POFUT3: variants seen among roughly 807,000 people sequenced by gnomAD.
POFUT3 encodes the protein GDP-fucose protein O-fucosyltransferase 3.
chr8:33,436,487 T>C, the POFUT3 span: 7 of 1,358,240 alleles, frequency 5.2e-6, no homozygotes, highest in African/African-American at 8.6e-5. Context: ...TTGCTCTCAT[T>C]CGTGCTGGCT....
the POFUT3 span, among the ~76,000 whole-genome samples, chr8:33,467,884 C>T: frequency 1.3e-5 from 2 of 152,098 alleles, no homozygotes; most frequent in African/African-American, 2.4e-5. Flanking sequence ...GATTTCTTTC[C>T]TGCGTGTCTG....
the POFUT3 span, among the ~76,000 whole-genome samples, chr8:33,380,945 A>T: frequency 6.6e-6 from 1 of 152,098 alleles, no homozygotes; most frequent in African/African-American, 2.4e-5. Flanking sequence ...ACCAGCATGG[A>T]CAACATAGTG....
At chr8:33,462,121 GAGAAA>G in the POFUT3 span, among the ~76,000 whole-genome samples, 1 of 144,768 alleles carries the variant, frequency 6.9e-6, no homozygotes, top group Non-Finnish European at 1.5e-5. Flanking sequence ...CTGGGTAACA[GAGAAA>G]GGAAAGGAAA....
the POFUT3 span, among the ~76,000 whole-genome samples, chr8:33,346,681 C>T: frequency 2.0e-5 from 3 of 151,964 alleles, no homozygotes; most frequent in Non-Finnish European, 4.4e-5. Flanking sequence ...TTTTGAGGCT[C>T]AAGTCACATC....
chr8:33,339,697 T>C, the POFUT3 span, among the ~76,000 whole-genome samples: 1 of 152,096 alleles, frequency 6.6e-6, no homozygotes, highest in Non-Finnish European at 1.5e-5. Flanking sequence ...ACCTTACCTA[T>C]TGAGGAAAAA....
the POFUT3 span, among the ~76,000 whole-genome samples, chr8:33,343,669 G>GT: frequency 3.3e-5 from 5 of 152,266 alleles, no homozygotes; most frequent in South Asian, 6.2e-4. Flanking sequence ...AAGTCAGTGA[G>GT]TTTTTTTCTG....
At chr8:33,352,260 G>A in the POFUT3 span, among the ~76,000 whole-genome samples, 1 of 152,294 alleles carries the variant, frequency 6.6e-6, no homozygotes, top group Admixed American at 6.5e-5. Context: ...AGGTGTTCCT[G>A]GCTGTCACTA....
chr8:33,425,438 T>G, the POFUT3 span, among the ~76,000 whole-genome samples: 10 of 152,078 alleles, frequency 6.6e-5, no homozygotes, highest in African/African-American at 2.4e-4. Flanking sequence ...AAGTGGTGGT[T>G]AAGGCTGAAA....
the POFUT3 span, among the ~76,000 whole-genome samples, chr8:33,332,488 G>GAA: frequency 3.3e-5 from 2 of 61,260 alleles, no homozygotes; most frequent in Admixed American, 1.9e-4. Flanking sequence ...CTGTCTGAAA[G>GAA]AAAAAAAAAA....
the POFUT3 span, among the ~76,000 whole-genome samples, chr8:33,471,041 C>T: frequency 6.6e-6 from 1 of 151,922 alleles, no homozygotes; most frequent in Non-Finnish European, 1.5e-5. Context: ...CTTTTGAAAA[C>T]TCCAATTTCA....
At chr8:33,320,436 T>C in the POFUT3 span, among the ~76,000 whole-genome samples, 1 of 152,078 alleles carries the variant, frequency 6.6e-6, no homozygotes, top group African/African-American at 2.4e-5. Flanking sequence ...TTCTGGCATG[T>C]TAGGATTTAT....
the POFUT3 span, among the ~76,000 whole-genome samples, chr8:33,340,237 CACACACACATATAT>C: frequency 1.3e-5 from 2 of 152,018 alleles, no homozygotes; most frequent in African/African-American, 2.4e-5. Flanking sequence ...AAATAATGCA[CACACACACATATAT>C]ACACACACAT....
chr8:33,453,607 A>T, the POFUT3 span: 2 of 1,024,226 alleles, frequency 2.0e-6, no homozygotes, highest in South Asian at 3.2e-5. Context: ...ACTCGTTTTC[A>T]ATTGCTGCTG....
At chr8:33,395,543 C>G in the POFUT3 span, among the ~76,000 whole-genome samples, 1 of 152,034 alleles carries the variant, frequency 6.6e-6, no homozygotes, top group Admixed American at 6.5e-5. Context: ...CCACTGAGAG[C>G]CACTTCCACC....
At chr8:33,321,321 T>C in the POFUT3 span, among the ~76,000 whole-genome samples, 51,965 of 152,002 alleles carry the variant, frequency 0.34, 9,512 homozygotes, top group East Asian at 0.66. Flanking sequence ...GAAGGGTTTG[T>C]CACATGGCAC....
chr8:33,445,775 C>T, the POFUT3 span, among the ~76,000 whole-genome samples: 1 of 152,130 alleles, frequency 6.6e-6, no homozygotes, highest in Non-Finnish European at 1.5e-5. Context: ...CTGCAAAATG[C>T]CAGGTGCTGG....
the POFUT3 span, among the ~76,000 whole-genome samples, chr8:33,386,081 C>T: frequency 1.4e-5 from 2 of 146,064 alleles, no homozygotes; most frequent in Admixed American, 7.0e-5. Context: ...CCCAGCTGCT[C>T]GGGAGGCTGA....
chr8:33,342,726 C>T, the POFUT3 span, among the ~76,000 whole-genome samples: 1 of 152,138 alleles, frequency 6.6e-6, no homozygotes, highest in Non-Finnish European at 1.5e-5. Flanking sequence ...ATGTTACAGC[C>T]AAGCTAAAAA....
the POFUT3 span, among the ~76,000 whole-genome samples, chr8:33,454,426 A>AT: frequency 6.6e-6 from 1 of 152,134 alleles, no homozygotes; most frequent in African/African-American, 2.4e-5. Context: ...AACTCATGTG[A>AT]TTACATGGGG....
Sources: allele counts gnomAD v4.1 joint callset (sites outside exome capture counted in the v4.1 genomes callset), GRCh38; gene constraint gnomAD v4.1.1; transcripts MANE v1.5; gene names NCBI Gene and HGNC (gene_info 2026-07-23, HGNC 2026-07-21).